Variants in PLCE1 observed in about 807,000 individuals in gnomAD.
The protein encoded by PLCE1 is 1-phosphatidylinositol 4,5-bisphosphate phosphodiesterase epsilon-1.
PLCE1 carries 119 observed loss-of-function variants against 242.8 expected under a neutral mutation model. That is an observed-to-expected ratio of 0.49 (90% CI 0.42 to 0.57). The LOEUF (loss-of-function observed/expected upper bound fraction) is 0.57. Ranked by LOEUF, PLCE1 falls within the 20% of genes least tolerant of loss-of-function variation. PLCE1 has a pLI of 0.00. For missense variants in PLCE1, 2,441 were observed against 2,788.8 expected (o/e 0.88, Z 2.81); for synonymous variants, 945 against 1,017.4 (o/e 0.93, Z 1.35).
Position 94,234,117 on chromosome 10 carries a change from C to G in PLCE1, c.2019C>G (p.Ser673Arg), listed in dbSNP as rs370241315. The change falls in exon 6 of 33, where the codon AGC becomes AGG. Residue 673 changes from serine (S) to arginine (R), a missense_variant. Coordinates refer to ENST00000371380, the MANE Select transcript of PLCE1 (RefSeq NM_016341.4). ...MDQSDIETMR[S>R]LKDAMAQHES... ...AGTCTGATATTGAGACCATGAGGAG[C>G]CTGAAGGATGCTATGGCCCAGCATG... 2 of 1,613,754 alleles carry G rather than the reference C, an allele frequency of 1.2e-6. No homozygotes were observed. The highest frequency in any genetic ancestry group is 3.3e-5 in the Admixed American group (2 of 60,010).
intron 4 of PLCE1, among the ~76,000 whole-genome samples, chr10:94,211,797 T>C (rs557783797): frequency 4.7e-4 from 72 of 152,280 alleles, no homozygotes; most frequent in African/African-American, 1.6e-3. Context: ...CCCAAGCGGT[T>C]TCTAGAGAAG....
At chr10:94,069,884 G>C (rs575946437) in intron 2 of PLCE1, among the ~76,000 whole-genome samples, 2 of 152,146 alleles carry the variant, frequency 1.3e-5, no homozygotes, top group Non-Finnish European at 2.9e-5. Flanking sequence ...ACCAAAGCCA[G>C]GTCTATAGGA....
At chr10:94,272,867 T>C (rs1441228144) in intron 18 of PLCE1, among the ~76,000 whole-genome samples, 1 of 152,150 alleles carries the variant, frequency 6.6e-6, no homozygotes, top group African/African-American at 2.4e-5. Context: ...TAACTTTTCA[T>C]ATTGTCCTGG....
At chr10:94,303,819 G>T (rs1337013934) in intron 24 of PLCE1, among the ~76,000 whole-genome samples, 3 of 152,020 alleles carry the variant, frequency 2.0e-5, no homozygotes, top group Non-Finnish European at 4.4e-5. Flanking sequence ...TAAAAAAAAT[G>T]GATGGTCGCA....
chr10:94,247,623 T>C (rs529321269), intron 8 of PLCE1, among the ~76,000 whole-genome samples: 1 of 152,310 alleles, frequency 6.6e-6, no homozygotes, highest in African/African-American at 2.4e-5. Flanking sequence ...TTCTTTAAGG[T>C]TGAAAGAAAT....
intron 2 of PLCE1, among the ~76,000 whole-genome samples, chr10:94,117,662 C>T (rs1174669371): frequency 6.6e-6 from 1 of 152,160 alleles, no homozygotes; most frequent in East Asian, 1.9e-4. Context: ...ATCCTTGGAA[C>T]ACCCATAAGC....
At chr10:94,052,557 A>G (rs971927046) in intron 2 of PLCE1, among the ~76,000 whole-genome samples, 3 of 152,376 alleles carry the variant, frequency 2.0e-5, no homozygotes, top group African/African-American at 7.2e-5. Context: ...TCTAGACTCC[A>G]CATTGCAAAT....
intron 2 of PLCE1, among the ~76,000 whole-genome samples, chr10:94,052,398 G>GTGTC (rs2043790010): frequency 2.0e-5 from 3 of 152,176 alleles, no homozygotes; most frequent in Non-Finnish European, 4.4e-5. Flanking sequence ...GGCAGGAGAG[G>GTGTC]CTGGGGAAGA....
At chr10:94,029,298 G>T (rs2061510692) in intron 1 of PLCE1, among the ~76,000 whole-genome samples, 1 of 152,042 alleles carries the variant, frequency 6.6e-6, no homozygotes, top group African/African-American at 2.4e-5. Context: ...GCAGATATTT[G>T]AATTCAAGTT....
chr10:94,323,935 A>G (rs1313822568), intron 30 of PLCE1, among the ~76,000 whole-genome samples: 1 of 152,266 alleles, frequency 6.6e-6, no homozygotes, highest in Non-Finnish European at 1.5e-5. Context: ...TGATAGAGAT[A>G]GCCCAGTGGG....
rs897921867 is a variant in PLCE1 at position 94,301,343 on chromosome 10, CA to C, written c.5458+2685del. 2.6e-3 allele frequency among the ~76,000 whole-genome samples: 342 copies of C among 131,192 alleles called. 2 individuals are homozygous for C. The highest frequency in any genetic ancestry group is 4.9e-3 in the Admixed American group (63 of 12,884). The allele number at this position is 131,192 out of a possible 152,430, so 86.1% of individuals were successfully genotyped here. On this transcript the variant is annotated intron_variant, in intron 24 of 32. Coordinates refer to ENST00000371380, the MANE Select transcript of PLCE1 (RefSeq NM_016341.4). ...TGGGCGACAAAGTGAGATACTATCT[CA>C]AAAAAAAAAAGAAAAAGAAAATTAT... is the stretch of plus-strand genomic sequence containing the variant.
chr10:94,055,896 C>T (rs1426291043), intron 2 of PLCE1, among the ~76,000 whole-genome samples: 2 of 152,112 alleles, frequency 1.3e-5, no homozygotes, highest in Non-Finnish European at 2.9e-5. Flanking sequence ...GTCATACGCT[C>T]AAGAATTAAA....
rs1228550614 is a variant in PLCE1 at position 94,306,005 on chromosome 10, CT to C, written c.5623-421del. 6.6e-6 allele frequency among the ~76,000 whole-genome samples: 1 copy of C among 151,086 alleles called. No individual in the cohort carries two copies. Among genetic ancestry groups the C allele is most frequent in the African/African-American group, 2.4e-5 (1 of 40,978 alleles). ...TTTTTTTTTTTGAGATGGAGTCTTGCTCTGTCACCAGGCTGGAGTACAGTGG... is the reference window on the plus strand; with the variant it reads ...TTTTTTTTTTTGAGATGGAGTCTTGCCTGTCACCAGGCTGGAGTACAGTGG... On this transcript the variant is annotated intron_variant, in intron 25 of 32. Coordinates refer to ENST00000371380, the MANE Select transcript of PLCE1 (RefSeq NM_016341.4). This position sits in a 1 kb window ranked among gnomAD's most constrained non-coding sequence, Gnocchi z 5.7.
At position 94,117,392 on chromosome 10, in the gene PLCE1, C is replaced by A. The variant is rs74151046; in HGVS notation, c.1207-14782C>A. On this transcript the variant is annotated intron_variant, in intron 2 of 32. Transcript: ENST00000371380. ...AGCTCAGCATCACATTGACTGTCTT[C>A]TTTGACTCCTACCAGCTCTGCTGGG... 2.9e-3 allele frequency among the ~76,000 whole-genome samples: 436 copies of A among 152,314 alleles called. 2 individuals are homozygous for A. Among genetic ancestry groups the A allele is most frequent in the African/African-American group, 9.2e-3 (384 of 41,564 alleles).
At chr10:94,026,293 T>C (rs1367050460) in intron 1 of PLCE1, among the ~76,000 whole-genome samples, 1 of 152,184 alleles carries the variant, frequency 6.6e-6, no homozygotes, top group Non-Finnish European at 1.5e-5. Context: ...ATTTCTTTAG[T>C]CATATTACCT....
chr10:94,177,973 G>A (rs932330149), intron 4 of PLCE1, among the ~76,000 whole-genome samples: 2 of 152,220 alleles, frequency 1.3e-5, no homozygotes, highest in Admixed American at 1.3e-4. Flanking sequence ...ACAGTTCTGA[G>A]TTGCTAGTTC....
intron 23 of PLCE1, 113 bp downstream of exon 23, chr10:94,293,752 A>T: frequency 1.6e-6 from 2 of 1,215,770 alleles, no homozygotes; most frequent in Non-Finnish European, 2.4e-6. Flanking sequence ...CTGAACATTA[A>T]TATTGTCTGA....
intron 20 of PLCE1, among the ~76,000 whole-genome samples, chr10:94,282,314 A>T: frequency 6.6e-6 from 1 of 152,042 alleles, no homozygotes; most frequent in East Asian, 1.9e-4. Context: ...AGAGTTATTT[A>T]TCTGAGAAAT....
At chr10:94,041,612 C>G (rs964724716) in intron 2 of PLCE1, among the ~76,000 whole-genome samples, 5 of 152,274 alleles carry the variant, frequency 3.3e-5, no homozygotes, top group African/African-American at 9.6e-5. Context: ...ACACGCCTCC[C>G]GATCTCAAGA....
Sources: gnomAD v4.1 joint callset for allele counts (sites outside exome capture counted in the v4.1 genomes callset) on GRCh38, gnomAD v4.1.1 for gene constraint, Gnocchi (gnomAD v3.1) non-coding constraint, MANE v1.5 for transcripts, NCBI Gene and HGNC (gene_info 2026-07-23, HGNC 2026-07-21) for gene names.